Variants in NDRG3 observed in about 807,000 individuals in gnomAD.
NDRG3 encodes NDRG family member 3.
NDRG3 carries 23 observed loss-of-function variants against 57.2 expected under a neutral mutation model. The ratio of observed to expected loss-of-function variants is 0.40; its 90% CI spans 0.29 to 0.57. NDRG3 has a LOEUF of 0.57. Among genes scored for constraint, NDRG3 ranks in the 20% least tolerant of loss-of-function variants. The pLI is 0.42. For synonymous variants in NDRG3, 132 were observed against 162.6 expected (o/e 0.81, Z 1.43); for missense variants, 384 against 457.3 (o/e 0.84, Z 1.46).
chr20:36,657,348 C>CGTG (rs1225281672), intron 13 of NDRG3, among the ~76,000 whole-genome samples: 4 of 151,944 alleles, frequency 2.6e-5, no homozygotes, highest in African/African-American at 9.7e-5. Context: ...ATTAGCCGGG[C>CGTG]GTGGTGGCAC....
intron 3 of NDRG3, among the ~76,000 whole-genome samples, chr20:36,694,407 T>G (rs1319192385): frequency 6.6e-6 from 1 of 152,248 alleles, no homozygotes; most frequent in Non-Finnish European, 1.5e-5. Context: ...CTTGAATAAC[T>G]GGAACCCTTC....
intron 3 of NDRG3, among the ~76,000 whole-genome samples, chr20:36,706,380 G>T (rs1308842687): frequency 6.6e-6 from 1 of 152,164 alleles, no homozygotes; most frequent in African/African-American, 2.4e-5. Context: ...GACAAATGAG[G>T]TTTCCAATAT....
chr20:36,698,217 T>C (rs879625270), intron 3 of NDRG3, among the ~76,000 whole-genome samples: 2 of 152,000 alleles, frequency 1.3e-5, no homozygotes, highest in Non-Finnish European at 2.9e-5. Flanking sequence ...CCTGGCTGCC[T>C]TGGCCTCCCA....
intron 12 of NDRG3, among the ~76,000 whole-genome samples, chr20:36,661,569 T>C (rs1207704227): frequency 2.6e-5 from 4 of 151,622 alleles, no homozygotes; most frequent in African/African-American, 9.7e-5. Flanking sequence ...AGGGAAAAGG[T>C]GAGTGTTTGA....
intron 3 of NDRG3, among the ~76,000 whole-genome samples, chr20:36,704,393 T>A (rs1312551859): frequency 6.6e-6 from 1 of 152,154 alleles, no homozygotes; most frequent in African/African-American, 2.4e-5. Context: ...ATTTTCTTAC[T>A]TCGGAGGAGG....
At chr20:36,666,438 A>G (rs2148045093) in intron 9 of NDRG3, 46 bp from the exon 10 acceptor site, 7 of 1,400,752 alleles carry the variant, frequency 5.0e-6, no homozygotes, top group Non-Finnish European at 7.1e-6. Flanking sequence ...GAGCTCCAGA[A>G]TAAGTCCATC....
chr20:36,707,110 G>T, intron 2 of NDRG3, 103 bp from the exon 3 acceptor site: 1 of 1,060,546 alleles, frequency 9.4e-7, no homozygotes, highest in Non-Finnish European at 1.4e-6. Context: ...GCAGCCTCTT[G>T]GTTGCCATAA....
At chr20:36,680,711 C>T in intron 8 of NDRG3, 105 bp downstream of exon 8, 1 of 769,132 alleles carries the variant, frequency 1.3e-6, no homozygotes, top group African/African-American at 1.7e-5. Flanking sequence ...AAGCTATATA[C>T]TTAACATTTT....
chr20:36,717,344 C>T (rs935543925), intron 2 of NDRG3, among the ~76,000 whole-genome samples: 10 of 152,208 alleles, frequency 6.6e-5, no homozygotes, highest in African/African-American at 2.4e-4. Context: ...TTCTAGTCTT[C>T]CTTTAGCTTC....
intron 3 of NDRG3, 81 bp downstream of exon 3, chr20:36,706,891 T>C: frequency 8.1e-7 from 1 of 1,231,832 alleles, no homozygotes; most frequent in Non-Finnish European, 1.2e-6. Flanking sequence ...AGAGATCCAC[T>C]TCTACAAGAC....
intron 13 of NDRG3, among the ~76,000 whole-genome samples, chr20:36,658,571 G>A (rs2148023032): frequency 6.6e-6 from 1 of 152,342 alleles, no homozygotes; most frequent in Admixed American, 6.5e-5. Context: ...AAGGGAAAAG[G>A]AAGATGGCAG....
At chr20:36,727,479 C>G (rs554711200) in intron 1 of NDRG3, among the ~76,000 whole-genome samples, 2 of 152,222 alleles carry the variant, frequency 1.3e-5, no homozygotes, top group African/African-American at 4.8e-5. Context: ...TTTGGCCTCC[C>G]AAAGTGGTGG....
intron 3 of NDRG3, among the ~76,000 whole-genome samples, chr20:36,698,031 T>C (rs980357096): frequency 1.3e-5 from 2 of 148,828 alleles, no homozygotes; most frequent in Non-Finnish European, 3.0e-5. Context: ...AGTGGCCCGA[T>C]CTCAGCTCAC....
At chr20:36,739,216 A>G (rs1162710332) in intron 1 of NDRG3, among the ~76,000 whole-genome samples, 1 of 141,730 alleles carries the variant, frequency 7.1e-6, no homozygotes, top group Non-Finnish European at 1.5e-5. Flanking sequence ...TGGGAGGCCG[A>G]GGCTGGCGGA....
intron 3 of NDRG3, among the ~76,000 whole-genome samples, chr20:36,699,962 A>C (rs567216571): frequency 6.6e-6 from 1 of 152,126 alleles, no homozygotes; most frequent in Non-Finnish European, 1.5e-5. Context: ...TCTACTAAAA[A>C]TACAAAAATT....
chr20:36,720,889 C>T (rs1701844134), intron 2 of NDRG3, among the ~76,000 whole-genome samples: 1 of 151,778 alleles, frequency 6.6e-6, no homozygotes, highest in Admixed American at 6.6e-5. Context: ...AATTCTCCTG[C>T]CTCAGCCTCC....
rs138556200 is a variant in NDRG3 at position 36,743,972 on chromosome 20, C to T, written c.-49+2073G>A. On this transcript the variant is annotated intron_variant, in intron 1 of 15. Coordinates refer to ENST00000349004, the MANE Select transcript of NDRG3 (RefSeq NM_032013.4). Reference sequence around the variant, plus strand: ...CTGGAGTGCAGTGGCGCGATCTCGGCTCACTGCAAGCTCCAGCTCCCGGGT... The same window carrying T: ...CTGGAGTGCAGTGGCGCGATCTCGGTTCACTGCAAGCTCCAGCTCCCGGGT... Among the ~76,000 whole-genome samples the T allele has an allele frequency of 1.5e-3, 201 of 130,408 alleles. 8 individuals are homozygous for T. The East Asian group carries it at 0.038, about 25-fold the overall frequency. 85.6% of individuals were successfully genotyped at this position (130,408 alleles called of 152,430 possible). A position where few individuals can be genotyped will look rare whatever the true frequency, so the allele number is the denominator to read the frequency against.
chr20:36,684,527 T>G, intron 5 of NDRG3, 52 bp from the exon 6 acceptor site: 1 of 1,480,292 alleles, frequency 6.8e-7, no homozygotes, highest in Non-Finnish European at 9.4e-7. Flanking sequence ...CAATTCCCAG[T>G]TGCTAGAACA....
chr20:36,721,498 C>CA (rs977692458), intron 2 of NDRG3, among the ~76,000 whole-genome samples, 181 bp downstream of exon 2: 1 of 151,586 alleles, frequency 6.6e-6, no homozygotes, highest in African/African-American at 2.4e-5. Context: ...CACCGCACTC[C>CA]AGCCTGGCAA....
Sources: gnomAD v4.1 joint callset for allele counts (sites outside exome capture counted in the v4.1 genomes callset) on GRCh38, gnomAD v4.1.1 for gene constraint, MANE v1.5 for transcripts, NCBI Gene and HGNC (gene_info 2026-07-23, HGNC 2026-07-21) for gene names.